Variants in RPTOR observed in about 807,000 individuals in gnomAD.
RPTOR encodes regulatory associated protein of MTOR complex 1, also known as regulatory-associated protein of mTOR.
A neutral mutation model predicts 169.9 loss-of-function variants in RPTOR; 21 were observed. The observed-to-expected ratio is 0.12, with a 90% CI of 0.09 to 0.18. RPTOR has a LOEUF of 0.18. Ranked by LOEUF, RPTOR falls within the 10% of genes least tolerant of loss-of-function variation. The pLI is 1.00. For missense variants in RPTOR, 1,133 were observed against 1,855.9 expected, an observed-to-expected ratio of 0.61 and a Z score of 7.16; for synonymous variants, 732 against 753.2, an observed-to-expected ratio of 0.97 and a Z score of 0.46.
intron 21 of RPTOR, among the ~76,000 whole-genome samples, chr17:80,911,022 G>A (rs766925762): frequency 3.9e-5 from 6 of 152,152 alleles, no homozygotes; most frequent in South Asian, 2.1e-4. Flanking sequence ...GGAGAGACGA[G>A]GGGTTTCACC....
intron 3 of RPTOR, among the ~76,000 whole-genome samples, chr17:80,660,694 G>A (rs993044191): frequency 6.6e-6 from 1 of 152,096 alleles, no homozygotes; most frequent in African/African-American, 2.4e-5. Context: ...CAACACAGGC[G>A]GTCCCATCCT....
chr17:80,651,790 G>T lies in RPTOR; in HGVS notation c.348+7980G>T, dbSNP rs1291814653. Among the ~76,000 whole-genome samples, 1 of 152,168 alleles carries T rather than the reference G, an allele frequency of 6.6e-6. No individual in the cohort carries two copies. Among genetic ancestry groups the T allele is most frequent in the Non-Finnish European group, 1.5e-5 (1 of 68,032 alleles). On this transcript the variant is annotated intron_variant, in intron 3 of 33. Coordinates refer to ENST00000306801, the MANE Select transcript of RPTOR (RefSeq NM_020761.3). This position sits in a 1 kb window ranked among gnomAD's most constrained non-coding sequence, Gnocchi z 4.1. ...CCCAGCACTTTGGGAGGCCGAGGCGGGTGGATCGTGAGGTCAGGAGATCGA... is the reference window on the plus strand; with the variant it reads ...CCCAGCACTTTGGGAGGCCGAGGCGTGTGGATCGTGAGGTCAGGAGATCGA...
chr17:80,961,777 G>A (rs2069345688), intron 31 of RPTOR: 2 of 377,024 alleles, frequency 5.3e-6, no homozygotes, highest in South Asian at 4.8e-5. Context: ...ACGGGCAGGG[G>A]TGGCAGGGTG....
chr17:80,790,721 C>G (rs912194715), intron 6 of RPTOR, among the ~76,000 whole-genome samples: 6 of 152,186 alleles, frequency 3.9e-5, no homozygotes, highest in African/African-American at 1.4e-4. Context: ...CATACTTGCT[C>G]TGCACCTGCC....
intron 6 of RPTOR, among the ~76,000 whole-genome samples, chr17:80,786,779 A>C (rs1251780349): frequency 1.3e-5 from 2 of 152,218 alleles, no homozygotes; most frequent in Non-Finnish European, 2.9e-5. Context: ...TGTATATGGA[A>C]CCATTAGGCC....
chr17:80,559,340 T>G (rs934082201), intron 1 of RPTOR, among the ~76,000 whole-genome samples: 2 of 152,184 alleles, frequency 1.3e-5, no homozygotes, highest in African/African-American at 4.8e-5. Context: ...TCTTGCTGAG[T>G]GGTCGCCTCC....
chr17:80,785,414 T>C (rs1457367109), intron 6 of RPTOR, among the ~76,000 whole-genome samples: 2 of 152,214 alleles, frequency 1.3e-5, no homozygotes, highest in South Asian at 2.1e-4. Context: ...TCAGTATATC[T>C]TGATGAACAA....
chr17:80,945,170 C>T (rs1357944834), intron 25 of RPTOR, among the ~76,000 whole-genome samples: 2 of 152,078 alleles, frequency 1.3e-5, no homozygotes, highest in Non-Finnish European at 1.5e-5. Flanking sequence ...CGGTGCGCGC[C>T]TATGTCCCCA....
intron 20 of RPTOR, among the ~76,000 whole-genome samples, chr17:80,905,429 CAAAAAAA>C (rs535677825): frequency 3.2e-4 from 38 of 117,704 alleles, no homozygotes; most frequent in African/African-American, 1.1e-3. Flanking sequence ...ACTAAAAATA[CAAAAAAA>C]AAAAAAAAAA....
chr17:80,847,046 C>T (rs957277884), intron 11 of RPTOR, among the ~76,000 whole-genome samples: 5 of 152,262 alleles, frequency 3.3e-5, no homozygotes, highest in African/African-American at 1.2e-4. Context: ...GCTCCCTGAG[C>T]GGATACTGAC....
intron 13 of RPTOR, among the ~76,000 whole-genome samples, chr17:80,868,926 A>T (rs2068021885): frequency 6.6e-6 from 1 of 152,056 alleles, no homozygotes; most frequent in Admixed American, 6.5e-5. Context: ...AAAGAAGATG[A>T]GCTGCTGCTG....
intron 9 of RPTOR, among the ~76,000 whole-genome samples, chr17:80,828,773 C>T (rs1177466288): frequency 6.6e-6 from 1 of 152,184 alleles, no homozygotes; most frequent in Non-Finnish European, 1.5e-5. Context: ...TTTGTCAGAA[C>T]ATTGGTTATA....
At chr17:80,634,155 T>G (rs1222181301) in intron 2 of RPTOR, among the ~76,000 whole-genome samples, 1 of 144,948 alleles carries the variant, frequency 6.9e-6, no homozygotes, top group East Asian at 2.1e-4. Context: ...GTGTGCGTAC[T>G]GTGTGTGTGT....
intron 3 of RPTOR, among the ~76,000 whole-genome samples, chr17:80,692,635 A>C (rs1004937589): frequency 2.0e-5 from 3 of 150,968 alleles, no homozygotes; most frequent in Non-Finnish European, 2.9e-5. Flanking sequence ...TTATTTATTT[A>C]TATTTTTAGT....
chr17:80,770,235 A>G (rs934640983), intron 6 of RPTOR, among the ~76,000 whole-genome samples: 7 of 152,216 alleles, frequency 4.6e-5, no homozygotes, highest in African/African-American at 1.7e-4. Flanking sequence ...TAAGGTTGCT[A>G]AAATCCCACT....
chr17:80,786,458 A>T (rs2066992131), intron 6 of RPTOR, among the ~76,000 whole-genome samples: 2 of 152,252 alleles, frequency 1.3e-5, no homozygotes, highest in Admixed American at 1.3e-4. Flanking sequence ...TTCATTGTTA[A>T]AAGAAAACTC....
chr17:80,891,622 A>T, intron 17 of RPTOR, 98 bp from the exon 18 acceptor site: 1 of 839,640 alleles, frequency 1.2e-6, no homozygotes, highest in Non-Finnish European at 2.0e-6. Context: ...GTTTTGTCTT[A>T]ACCTTTCTTT....
chr17:80,741,526 G>A (rs1567885417), intron 5 of RPTOR, among the ~76,000 whole-genome samples: 1 of 152,218 alleles, frequency 6.6e-6, no homozygotes, highest in African/African-American at 2.4e-5. Flanking sequence ...TGTCTCCCGA[G>A]CCAGGAGGAC....
chr17:80,917,188 C>T (rs941631279), intron 21 of RPTOR, among the ~76,000 whole-genome samples: 7 of 151,324 alleles, frequency 4.6e-5, no homozygotes, highest in Admixed American at 4.0e-4. Context: ...TCTCAGCTCA[C>T]TGCAACCTCC....
Sources: gnomAD v4.1 joint callset for allele counts (sites outside exome capture counted in the v4.1 genomes callset) on GRCh38, gnomAD v4.1.1 for gene constraint, Gnocchi (gnomAD v3.1) non-coding constraint, MANE v1.5 for transcripts, NCBI Gene and HGNC (gene_info 2026-07-23, HGNC 2026-07-21) for gene names.